FANCI: variants seen among roughly 807,000 people sequenced by gnomAD.
The protein encoded by FANCI is FA complementation group I.
A neutral mutation model predicts 176.1 loss-of-function variants in FANCI; 156 were observed. That is an observed-to-expected ratio of 0.89 (90% CI 0.78 to 1.01). The LOEUF is 1.01. Among genes scored for constraint, FANCI ranks in the 50% least tolerant of loss-of-function variants. FANCI has a pLI of 0.00. For missense variants in FANCI, 1,678 were observed against 1,534.1 expected (o/e 1.09, Z -1.57); for synonymous variants, 613 against 541.7 (o/e 1.13, Z -1.83).
Position 89,258,854 on chromosome 15 carries a change from G to T in FANCI, c.157+78G>T, listed in dbSNP as rs963339667. 12 of 1,082,038 alleles carry T rather than the reference G, an allele frequency of 1.1e-5. No homozygotes were observed. In the East Asian group the frequency reaches 2.1e-4, roughly 19 times the overall value. The allele number at this position is 1,082,038 out of a possible 1,614,324, so 67.0% of individuals were successfully genotyped here. On this transcript the variant is annotated intron_variant, in intron 3 of 37. Coordinates refer to ENST00000310775, the MANE Select transcript of FANCI (RefSeq NM_001113378.2). Reference sequence around the variant, plus strand: ...TGTTTAGTTTTCGTACTTTTCTTACGGTTTGAAGCCCCACTGGAACATTTT... The same window carrying T: ...TGTTTAGTTTTCGTACTTTTCTTACTGTTTGAAGCCCCACTGGAACATTTT...
In FANCI at chr15:89,274,937, C is replaced by T. The variant is rs372128969; in HGVS notation, c.1112+633C>T. 1.1e-4 allele frequency among the ~76,000 whole-genome samples: 16 copies of T among 152,122 alleles called. No individual in the cohort carries two copies. The East Asian group carries it at 2.9e-3, about 28-fold the overall frequency. ...TTCCTTTTTAAAGGAAACAGTCTCA[C>T]TATGTTGCCCAGGCTGGAGTGCAAT... On this transcript the variant is annotated intron_variant, in intron 12 of 37. Coordinates refer to ENST00000310775, the MANE Select transcript of FANCI (RefSeq NM_001113378.2).
chr15:89,253,711 A>G (rs1213715501), intron 2 of FANCI, among the ~76,000 whole-genome samples: 4 of 151,020 alleles, frequency 2.6e-5, no homozygotes, highest in African/African-American at 9.7e-5. Context: ...TCAAAAGACA[A>G]ATGGCAAACT....
At chr15:89,265,922 T>C (rs2052929459) in intron 9 of FANCI, among the ~76,000 whole-genome samples, 1 of 152,150 alleles carries the variant, frequency 6.6e-6, no homozygotes, top group African/African-American at 2.4e-5. Flanking sequence ...ACCTCTACTT[T>C]ATGGATATGG....
chr15:89,284,613 C>G (rs773605200), intron 17 of FANCI, among the ~76,000 whole-genome samples: 7 of 152,170 alleles, frequency 4.6e-5, no homozygotes, highest in Non-Finnish European at 7.4e-5. Flanking sequence ...ATTAGGAATT[C>G]TTGGTCTATA....
intron 11 of FANCI, among the ~76,000 whole-genome samples, chr15:89,273,798 G>A (rs2053299118): frequency 6.6e-6 from 1 of 152,194 alleles, no homozygotes; most frequent in Non-Finnish European, 1.5e-5. Context: ...GTTTTACTAT[G>A]TTGTAGCTTT....
intron 24 of FANCI, among the ~76,000 whole-genome samples, chr15:89,296,150 A>G (rs1206801148): frequency 6.6e-6 from 1 of 152,096 alleles, no homozygotes; most frequent in Non-Finnish European, 1.5e-5. Context: ...TTTTTAGTAG[A>G]GACAGGGTTT....
At chr15:89,248,378 A>AT (rs1238613953) in intron 2 of FANCI, among the ~76,000 whole-genome samples, 5 of 151,976 alleles carry the variant, frequency 3.3e-5, no homozygotes, top group Non-Finnish European at 5.9e-5. Context: ...GTATCATGGG[A>AT]TTTTTTTCCT....
intron 23 of FANCI, 69 bp downstream of exon 23, chr15:89,294,066 G>C: frequency 6.6e-7 from 1 of 1,517,954 alleles, no homozygotes; most frequent in Non-Finnish European, 9.1e-7. Context: ...AGGCTCACTT[G>C]TTTCACCTCG....
intron 36 of FANCI, among the ~76,000 whole-genome samples, chr15:89,314,987 T>C (rs2055162960): frequency 1.3e-5 from 2 of 151,980 alleles, no homozygotes; most frequent in South Asian, 4.1e-4. Context: ...TGGGTTTGTT[T>C]TTGTAGAGAT....
At chr15:89,251,689 A>G (rs1360825728) in intron 2 of FANCI, among the ~76,000 whole-genome samples, 3 of 152,222 alleles carry the variant, frequency 2.0e-5, no homozygotes, top group Non-Finnish European at 4.4e-5. Context: ...CAGGAATACA[A>G]GGTTGGTTCA....
At chr15:89,245,239 G>A in intron 1 of FANCI, 1 of 150,020 alleles carries the variant, frequency 6.7e-6, no homozygotes, top group Non-Finnish European at 1.5e-5. Context: ...CGCGATCTCG[G>A]CTCACTGCAA....
intron 26 of FANCI, among the ~76,000 whole-genome samples, chr15:89,300,976 A>G (rs1174900857): frequency 1.3e-5 from 2 of 152,242 alleles, no homozygotes; most frequent in Non-Finnish European, 2.9e-5. Flanking sequence ...CAGGGAAGGT[A>G]TATAAGCATT....
chr15:89,263,578 T>C, intron 7 of FANCI, 118 bp downstream of exon 7: 1 of 968,532 alleles, frequency 1.0e-6, no homozygotes, highest in Non-Finnish European at 1.6e-6. Flanking sequence ...TATTAGTAGT[T>C]ATGTTTTCTG....
chr15:89,308,090 T>C, intron 34 of FANCI: 2 of 1,123,842 alleles, frequency 1.8e-6, no homozygotes, highest in Non-Finnish European at 2.2e-6. Context: ...AGGACGTGGC[T>C]TTGTAAGTGT....
At chr15:89,311,249 ACT>A (rs1222182618) in intron 34 of FANCI, among the ~76,000 whole-genome samples, 6 of 144,058 alleles carry the variant, frequency 4.2e-5, no homozygotes, top group African/African-American at 1.6e-4. Context: ...ACAGAGCATG[ACT>A]CTGTCTCAAA....
intron 14 of FANCI, among the ~76,000 whole-genome samples, chr15:89,280,923 G>A (rs1045512052): frequency 2.3e-4 from 35 of 151,996 alleles, no homozygotes; most frequent in Admixed American, 1.0e-3. Context: ...CAGTGTAATC[G>A]GTTTCTTCCT....
intron 19 of FANCI, 198 bp downstream of exon 19, chr15:89,290,479 T>C: frequency 1.7e-6 from 1 of 584,292 alleles, no homozygotes; most frequent in South Asian, 2.0e-5. Flanking sequence ...AATACCATCA[T>C]CTAGCAGTTA....
chr15:89,247,540 A>G (rs1014172127), intron 1 of FANCI, 89 bp from the exon 2 acceptor site: 10 of 903,730 alleles, frequency 1.1e-5, no homozygotes, highest in Non-Finnish European at 1.9e-5. Flanking sequence ...CATAATAGGT[A>G]TGAAATATTC....
At position 89,293,042 on chromosome 15, in the gene FANCI, A is replaced by C. The variant is rs111883566; in HGVS notation, c.2270A>C (p.Asn757Thr). 8 of 1,613,590 alleles carry C rather than the reference A, an allele frequency of 5.0e-6. No individual in the cohort carries two copies. In the Admixed American group the frequency reaches 1.3e-4, roughly 27 times the overall value. ...GTTTGTGAGGTTTTAATAGAATACA[A>C]TTTCTCCATAAGTAGTTTCAGGTAA... Reference protein sequence around the residue: ...MGVCEVLIEYNFSISSFSKNR... With the variant: ...MGVCEVLIEYTFSISSFSKNR... The change falls in exon 22 of 38, where the codon AAT becomes ACT. Residue 757 changes from asparagine (N) to threonine (T), a missense_variant. Asn to Thr is a moderately conservative substitution (Grantham distance 65). This residue lies in a region of FANCI where 1,204 missense variants were observed against 1,077.4 expected (regional missense o/e 1.12). Coordinates refer to ENST00000310775, the MANE Select transcript of FANCI (RefSeq NM_001113378.2).
Sources: allele counts gnomAD v4.1 joint callset (sites outside exome capture counted in the v4.1 genomes callset), GRCh38; gene constraint gnomAD v4.1.1; regional missense constraint gnomAD v4.1.1; transcripts MANE v1.5; gene names NCBI Gene and HGNC (gene_info 2026-07-23, HGNC 2026-07-21).